The following MYO9B variants were observed in gnomAD, a reference collection of about 807,000 sequenced individuals.
The protein encoded by MYO9B is myosin IXB, also known as unconventional myosin-IXb.
Under a neutral mutation model 229.5 loss-of-function variants are expected in MYO9B, and 71 were observed. The ratio of observed to expected loss-of-function variants is 0.31; its 90% CI spans 0.26 to 0.38. The LOEUF (loss-of-function observed/expected upper bound fraction) is 0.38, where lower values mean the gene tolerates loss of function less well. MYO9B is among the 10% of genes least tolerant of loss of function. The pLI is 1.00. For synonymous variants in MYO9B, 1,185 were observed against 1,235.8 expected (o/e 0.96, Z 0.86); for missense variants, 2,255 against 2,920.5 (o/e 0.77, Z 5.25).
intron 1 of MYO9B, among the ~76,000 whole-genome samples, chr19:17,094,683 T>C (rs1286087591): frequency 6.6e-6 from 1 of 152,232 alleles, no homozygotes; most frequent in Non-Finnish European, 1.5e-5. Flanking sequence ...AGCTTAAACC[T>C]GTAATCCCAG....
At chr19:17,196,782 G>A (rs2073047960) in intron 22 of MYO9B, among the ~76,000 whole-genome samples, 1 of 152,036 alleles carries the variant, frequency 6.6e-6, no homozygotes, top group Non-Finnish European at 1.5e-5. Context: ...ATGAATGGAG[G>A]GATGGAAGAT....
intron 26 of MYO9B, 39 bp from the exon 27 acceptor site, chr19:17,201,887 G>C (rs760084693): frequency 8.4e-6 from 13 of 1,538,818 alleles, no homozygotes; most frequent in African/African-American, 1.4e-5. Context: ...CAGGTCCCCA[G>C]GCCTGAGGCA....
intron 20 of MYO9B, 150 bp from the exon 21 acceptor site, chr19:17,192,596 A>C (rs75740912): frequency 1.9e-6 from 1 of 513,290 alleles, no homozygotes; most frequent in Non-Finnish European, 2.9e-6. Context: ...CTCCATCTCA[A>C]AAAAATAATA....
At chr19:17,109,511 ATG>A (rs2057827138) in intron 2 of MYO9B, among the ~76,000 whole-genome samples, 1 of 152,142 alleles carries the variant, frequency 6.6e-6, no homozygotes. Context: ...AGACACGTGG[ATG>A]TGTGAGTTTC....
At chr19:17,203,049 A>G in intron 29 of MYO9B, 98 bp from the exon 30 acceptor site, 6 of 1,371,994 alleles carry the variant, frequency 4.4e-6, no homozygotes, top group Non-Finnish European at 5.0e-6. Context: ...GTAGTCTTGA[A>G]TAAGTCACCC....
At position 17,165,661 on chromosome 19, in the gene MYO9B, G is replaced by T. The variant is rs557356571; in HGVS notation, c.1672-2282G>T. Among the ~76,000 whole-genome samples the T allele has an allele frequency of 1.4e-4, 22 of 152,238 alleles. No homozygotes were observed. In the South Asian group the frequency reaches 4.4e-3, roughly 30 times the overall value. On this transcript the variant is annotated intron_variant, in intron 10 of 39. Coordinates refer to ENST00000682292, the MANE Select transcript of MYO9B (RefSeq NM_004145.4). ...ATAGTGGCACATGCCTGTAGTCCTA[G>T]CTACTGGGGAGGTTGAGGCAGGTGG... is the stretch of plus-strand genomic sequence containing the variant.
At chr19:17,174,734 A>C (rs2072764638) in intron 13 of MYO9B, among the ~76,000 whole-genome samples, 1 of 151,906 alleles carries the variant, frequency 6.6e-6, no homozygotes, top group African/African-American at 2.4e-5. Flanking sequence ...GGCGGTTGAG[A>C]CCAGCCTGGC....
chr19:17,160,329 C>T (rs2072584276), intron 8 of MYO9B, among the ~76,000 whole-genome samples: 1 of 152,034 alleles, frequency 6.6e-6, no homozygotes, highest in Non-Finnish European at 1.5e-5. Flanking sequence ...CCAAAGGCAC[C>T]AGGCAGGGGC....
intron 36 of MYO9B, 94 bp downstream of exon 36, chr19:17,209,803 C>G: frequency 2.7e-6 from 3 of 1,120,360 alleles, no homozygotes; most frequent in Non-Finnish European, 2.4e-6. Flanking sequence ...GCTGGGAAGG[C>G]TGGTGAGTGG....
Position 17,212,280 on chromosome 19 carries a change from G to GA in MYO9B, c.6444_6445insA (p.Pro2149ThrfsTer51), listed in dbSNP as rs2073240532. Reference sequence around the variant, plus strand: ...ACTCGGATCCCCCAACGTACTGCCTGCCCCCCGCCTCGGGCCAGACCAATG... The same window carrying GA: ...ACTCGGATCCCCCAACGTACTGCCTGACCCCCCGCCTCGGGCCAGACCAATG... On this transcript the variant is annotated frameshift_variant, in exon 40 of 40. Coordinates refer to ENST00000682292, the MANE Select transcript of MYO9B (RefSeq NM_004145.4). LOFTEE classifies it high-confidence loss of function. The surrounding 1 kb of genome is among the most constrained non-coding windows in gnomAD (Gnocchi z 5.4). 3.9e-6 allele frequency: 6 copies of GA among 1,543,358 alleles called. No homozygotes were observed. The highest frequency in any genetic ancestry group is 5.2e-6 in the Non-Finnish European group (6 of 1,152,762).
At chr19:17,100,409 G>A (rs1378440551) in intron 1 of MYO9B, among the ~76,000 whole-genome samples, 1 of 151,972 alleles carries the variant, frequency 6.6e-6, no homozygotes, top group African/African-American at 2.4e-5. Context: ...GGCAGCAGAG[G>A]TTGCAGTGAG....
intron 30 of MYO9B, among the ~76,000 whole-genome samples, 162 bp downstream of exon 30, chr19:17,203,420 C>T (rs2073128813): frequency 6.6e-6 from 1 of 152,026 alleles, no homozygotes; most frequent in African/African-American, 2.4e-5. Flanking sequence ...TGAGACCAGC[C>T]TGGCCAAGAT....
chr19:17,166,305 A>C (rs530992006), intron 10 of MYO9B, among the ~76,000 whole-genome samples: 2 of 152,296 alleles, frequency 1.3e-5, no homozygotes, highest in Admixed American at 1.3e-4. Flanking sequence ...AGCCTCTCAA[A>C]GTGCTGGGAT....
At chr19:17,138,778 G>A (rs1029193197) in intron 2 of MYO9B, among the ~76,000 whole-genome samples, 1 of 152,194 alleles carries the variant, frequency 6.6e-6, no homozygotes, top group Non-Finnish European at 1.5e-5. Flanking sequence ...AAACCTAGAT[G>A]ATATAACCTA....
At chr19:17,154,919 C>G (rs187591844) in intron 6 of MYO9B, among the ~76,000 whole-genome samples, 57 of 152,086 alleles carry the variant, frequency 3.7e-4, no homozygotes, top group Non-Finnish European at 7.5e-4. Flanking sequence ...CCACCATGAT[C>G]ATGCCACTGA....
At chr19:17,126,434 G>A (rs934476799) in intron 2 of MYO9B, among the ~76,000 whole-genome samples, 2 of 152,090 alleles carry the variant, frequency 1.3e-5, no homozygotes, top group Non-Finnish European at 2.9e-5. Context: ...CCAGAACAGC[G>A]GCCCCTGGCC....
intron 14 of MYO9B, among the ~76,000 whole-genome samples, chr19:17,176,075 G>A (rs1053195128): frequency 2.0e-5 from 3 of 152,144 alleles, no homozygotes; most frequent in East Asian, 1.9e-4. Flanking sequence ...TGTTGCCCAG[G>A]CTGGAGTGCA....
At position 17,153,946 on chromosome 19, in the gene MYO9B, C is replaced by T. The variant is rs1391092538; in HGVS notation, c.999-21C>T. The T allele has an allele frequency of 6.9e-6, 11 of 1,597,392 alleles. No individual in the cohort carries two copies. The South Asian group carries it at 9.9e-5, about 14-fold the overall frequency. The stretch of plus-strand genomic sequence containing the variant: ...CTTGGCCTCCAAAAACAACTATTTT[C>T]CTCCCAATTTTGACCTGTAGGAACT... On this transcript the variant is annotated intron_variant, in intron 4 of 39. Transcript: ENST00000682292.
Position 17,101,503 on chromosome 19 carries a change from TGTC to T in MYO9B, c.-58-154_-58-152del. On this transcript the variant is annotated intron_variant, in intron 1 of 39. Coordinates refer to ENST00000682292, the MANE Select transcript of MYO9B (RefSeq NM_004145.4). The surrounding 1 kb of genome is among the most constrained non-coding windows in gnomAD (Gnocchi z 4.7). Reference sequence around the variant, plus strand: ...GAAGGACAGACAGACCCTCACGGGATGTCGTGACTGGTTGCCTCTGGCTTTTTG... The same window carrying T: ...GAAGGACAGACAGACCCTCACGGGATGTGACTGGTTGCCTCTGGCTTTTTG... Among the ~76,000 whole-genome samples, 1 of 152,132 alleles carries T rather than the reference TGTC, an allele frequency of 6.6e-6. No homozygotes were observed. Among genetic ancestry groups the T allele is most frequent in the South Asian group, 2.1e-4 (1 of 4,810 alleles).
Sources: gnomAD v4.1 joint callset for allele counts (sites outside exome capture counted in the v4.1 genomes callset) on GRCh38, gnomAD v4.1.1 for gene constraint, Gnocchi (gnomAD v3.1) non-coding constraint, MANE v1.5 for transcripts, NCBI Gene and HGNC (gene_info 2026-07-23, HGNC 2026-07-21) for gene names.